Variants in ARHGAP8 observed in about 807,000 individuals in gnomAD.
ARHGAP8 encodes rho GTPase-activating protein 8.
ARHGAP8 carries 62 observed loss-of-function variants against 46.1 expected under a neutral mutation model. The observed-to-expected ratio is 1.34, with a 90% confidence interval of 1.10 to 1.66. The LOEUF (loss-of-function observed/expected upper bound fraction) is 1.66. ARHGAP8 is among the 40% of genes most tolerant of loss of function. The pLI, the probability that ARHGAP8 is intolerant of heterozygous loss-of-function variation, is 0.00. For synonymous variants in ARHGAP8, 375 were observed against 243.1 expected (o/e 1.54, Z -5.05); for missense variants, 923 against 568.4 (o/e 1.62, Z -6.34).
chr22:44,793,457 G>A lies in ARHGAP8; in HGVS notation c.79+6851G>A, dbSNP rs550352505. Among the ~76,000 whole-genome samples the A allele has an allele frequency of 9.9e-5, 15 of 152,284 alleles. No homozygotes were observed. In the South Asian group the frequency reaches 2.7e-3, roughly 27 times the overall value. ...CACAACCCATTCCGTTGCCGGCTGGGCTTTCCTGCAGCACGCAGGCCTAAA... is the reference window on the plus strand; with the variant it reads ...CACAACCCATTCCGTTGCCGGCTGGACTTTCCTGCAGCACGCAGGCCTAAA... On this transcript the variant is annotated intron_variant, in intron 2 of 11. Coordinates refer to ENST00000356099, the MANE Select transcript of ARHGAP8 (RefSeq NM_181335.3).
chr22:44,843,179 C>G (rs531227987), intron 7 of ARHGAP8, among the ~76,000 whole-genome samples: 2 of 152,296 alleles, frequency 1.3e-5, no homozygotes, highest in African/African-American at 4.8e-5. Context: ...TTGCCCACCA[C>G]ATTATTTCCA....
intron 7 of ARHGAP8, among the ~76,000 whole-genome samples, chr22:44,838,432 G>T (rs192315587): frequency 6.6e-6 from 1 of 151,690 alleles, no homozygotes; most frequent in South Asian, 2.1e-4. Context: ...CACCGTACCC[G>T]GCCTTAATTT....
intron 11 of ARHGAP8, 34 bp downstream of exon 11, chr22:44,859,868 C>G (rs765420005): frequency 3.7e-6 from 6 of 1,606,154 alleles, no homozygotes; most frequent in African/African-American, 1.3e-5. Context: ...GGGGTGAAGC[C>G]CAGTGGCCTT....
chr22:44,754,417 A>G (rs547324562), intron 1 of ARHGAP8, among the ~76,000 whole-genome samples: 2 of 151,292 alleles, frequency 1.3e-5, no homozygotes, highest in Admixed American at 1.3e-4. Context: ...GTGCAATGGC[A>G]CGATCTCAGC....
chr22:44,768,285 G>A (rs998265628), intron 1 of ARHGAP8, among the ~76,000 whole-genome samples: 7 of 151,442 alleles, frequency 4.6e-5, no homozygotes, highest in Non-Finnish European at 1.0e-4. Flanking sequence ...GTGAGCCACC[G>A]CGTGCGGCCT....
intron 1 of ARHGAP8, among the ~76,000 whole-genome samples, chr22:44,764,282 G>A (rs192712359): frequency 6.6e-6 from 1 of 152,272 alleles, no homozygotes; most frequent in African/African-American, 2.4e-5. Flanking sequence ...GCAGGGACTG[G>A]TAGCAAATGC....
chr22:44,852,331 C>T (rs761167517), intron 10 of ARHGAP8, among the ~76,000 whole-genome samples: 13 of 151,896 alleles, frequency 8.6e-5, no homozygotes, highest in Non-Finnish European at 1.8e-4. Context: ...TTTGTCATTC[C>T]GCCGTCTTTA....
At chr22:44,783,822 C>T (rs1181140663) in intron 1 of ARHGAP8, among the ~76,000 whole-genome samples, 1 of 152,182 alleles carries the variant, frequency 6.6e-6, no homozygotes, top group Non-Finnish European at 1.5e-5. Context: ...TTGCTGCCCA[C>T]ATTCCTGGGC....
chr22:44,804,131 C>T lies in ARHGAP8; in HGVS notation c.167+1967C>T, dbSNP rs1490614978. On this transcript the variant is annotated intron_variant, in intron 3 of 11. Coordinates refer to ENST00000356099, the MANE Select transcript of ARHGAP8 (RefSeq NM_181335.3). The stretch of plus-strand genomic sequence containing the variant: ...GCCACATGGGCCTCGCACCCTGCAC[C>T]CTCTGCATTGGCCGTTTCCCATTGC... 2.0e-5 allele frequency among the ~76,000 whole-genome samples: 3 copies of T among 152,108 alleles called. No homozygotes were observed. The East Asian group carries it at 5.9e-4, about 30-fold the overall frequency.
rs563382619 is a variant in ARHGAP8 at position 44,853,584 on chromosome 22, T to G, written c.877+4524T>G. 1.4e-4 allele frequency among the ~76,000 whole-genome samples: 21 copies of G among 152,306 alleles called. No homozygotes were observed. The South Asian group carries it at 4.4e-3, about 32-fold the overall frequency. ...AGTTACAAAATAAGTCTGGTTTCAT[T>G]AGAATTTGGCCTGATTATTTACATA... On this transcript the variant is annotated intron_variant, in intron 10 of 11. Transcript: ENST00000356099.
Position 44,862,721 on chromosome 22 carries a change from C to G in ARHGAP8, c.*126C>G. 9 of 1,171,080 alleles carry G rather than the reference C, an allele frequency of 7.7e-6. No homozygotes were observed. Among genetic ancestry groups the G allele is most frequent in the Non-Finnish European group, 1.0e-5 (9 of 862,588 alleles). 72.5% of individuals were successfully genotyped at this position (1,171,080 alleles called of 1,614,324 possible). A position where few individuals can be genotyped will look rare whatever the true frequency, so the allele number is the denominator to read the frequency against. ...TGAATTCAGAACCTTCTAATGAAAA[C>G]TCCATGCCTCTGGTCCTTGGACTCT... On this transcript the variant is annotated 3_prime_UTR_variant, in exon 12 of 12. Transcript: ENST00000356099.
Position 44,853,457 on chromosome 22 carries a change from A to C in ARHGAP8, c.877+4397A>C, listed in dbSNP as rs118037777. Among the ~76,000 whole-genome samples, 380 of 152,266 alleles carry C rather than the reference A, an allele frequency of 2.5e-3. 6 individuals carry two copies. Among genetic ancestry groups the C allele is most frequent in the East Asian group, 0.02 (105 of 5,170 alleles). ...AATGTTAGCTTGGAGCGTCGTAGCC[A>C]GATATTGGAGGAAAGGAGAGGAACT... is the stretch of plus-strand genomic sequence containing the variant. On this transcript the variant is annotated intron_variant, in intron 10 of 11. Transcript: ENST00000356099.
chr22:44,860,946 T>G (rs2070450000), intron 11 of ARHGAP8, among the ~76,000 whole-genome samples: 1 of 149,250 alleles, frequency 6.7e-6, no homozygotes, highest in African/African-American at 2.6e-5. Context: ...TACAACAATT[T>G]TTTTTCTCCC....
intron 1 of ARHGAP8, among the ~76,000 whole-genome samples, chr22:44,780,565 G>C (rs1926769697): frequency 6.6e-6 from 1 of 151,258 alleles, no homozygotes; most frequent in Non-Finnish European, 1.5e-5. Flanking sequence ...AGGAGGCTGA[G>C]GCAGGAGAAT....
intron 10 of ARHGAP8, among the ~76,000 whole-genome samples, chr22:44,857,982 A>C (rs2070282368): frequency 6.6e-6 from 1 of 152,108 alleles, no homozygotes; most frequent in East Asian, 1.9e-4. Flanking sequence ...CCCACTTGGG[A>C]CCATAATTCG....
intron 6 of ARHGAP8, among the ~76,000 whole-genome samples, chr22:44,825,142 G>C (rs143480507): frequency 8.2e-4 from 125 of 151,948 alleles, no homozygotes; most frequent in African/African-American, 2.9e-3. Context: ...GCCAGCTCTC[G>C]TCTTAAATTC....
intron 1 of ARHGAP8, among the ~76,000 whole-genome samples, chr22:44,762,529 A>G (rs1925208388): frequency 1.4e-5 from 2 of 143,692 alleles, no homozygotes; most frequent in Non-Finnish European, 1.5e-5. Context: ...ACTCATTATG[A>G]ACTCTCTCTC....
chr22:44,786,670 G>A (rs1927264082), intron 2 of ARHGAP8, 64 bp downstream of exon 2: 1 of 1,551,356 alleles, frequency 6.4e-7, no homozygotes, highest in Non-Finnish European at 8.7e-7. Context: ...CGGCAACTTT[G>A]AGGCAAAGTG....
intron 1 of ARHGAP8, 82 bp from the exon 2 acceptor site, chr22:44,786,375 C>G: frequency 6.6e-7 from 1 of 1,503,860 alleles, no homozygotes; most frequent in Middle Eastern, 1.9e-4. Context: ...GGGTGACTGT[C>G]TTATGAAAGG....
Sources: gnomAD v4.1 joint callset for allele counts (sites outside exome capture counted in the v4.1 genomes callset) on GRCh38, gnomAD v4.1.1 for gene constraint, MANE v1.5 for transcripts, NCBI Gene and HGNC (gene_info 2026-07-23, HGNC 2026-07-21) for gene names.